Variants in DYNC1H1 observed in about 807,000 individuals in gnomAD.
DYNC1H1 encodes the protein cytoplasmic dynein 1 heavy chain 1.
Under a neutral mutation model 527.1 loss-of-function variants are expected in DYNC1H1, and 51 were observed. The ratio of observed to expected loss-of-function variants is 0.10; its 90% confidence interval spans 0.08 to 0.12. DYNC1H1 has a LOEUF of 0.12. DYNC1H1 is among the 10% of genes least tolerant of loss of function. The pLI, the probability that DYNC1H1 is intolerant of heterozygous loss-of-function variation, is 1.00. For synonymous variants in DYNC1H1, 2,189 were observed against 2,278.8 expected (o/e 0.96, Z 1.12); for missense variants, 2,771 against 5,971.8 (o/e 0.46, Z 17.66).
chr14:101,982,886 T>C (rs2047884985), intron 5 of DYNC1H1, 133 bp from the exon 6 acceptor site: 1 of 1,145,612 alleles, frequency 8.7e-7, no homozygotes, highest in South Asian at 1.4e-5. Context: ...CGTGTTGTTT[T>C]TTCAAATATG....
In DYNC1H1 at chr14:102,008,264, C is replaced by G. The variant is rs770335425; in HGVS notation, c.5904C>G (p.Leu1968=). The G allele has an allele frequency of 2.5e-6, 4 of 1,614,220 alleles. No individual in the cohort carries two copies. Among genetic ancestry groups the G allele is most frequent in the South Asian group, 1.1e-5 (1 of 91,082 alleles). The change falls in exon 29 of 78, where the codon CTC becomes CTG. Residue 1968 remains leucine (L), a synonymous_variant. Coordinates refer to ENST00000360184, the MANE Select transcript of DYNC1H1 (RefSeq NM_001376.5). The part of the protein sequence containing the change: ...DEFNRLEERM[L]SAVSQQVQCI... ...TCAACCGCCTGGAGGAGCGGATGCT[C>G]TCGGCTGTGTCCCAGCAGGTGCAGT...
intron 11 of DYNC1H1, among the ~76,000 whole-genome samples, chr14:101,992,711 A>G (rs2048011835): frequency 2.0e-5 from 3 of 152,230 alleles, no homozygotes; most frequent in Middle Eastern, 3.4e-3. Flanking sequence ...GTGATCGCCC[A>G]TAGCCCCACC....
rs762675393 is a variant in DYNC1H1 at position 102,027,907 on chromosome 14, G to T, written c.9264-30G>T. 1.2e-5 allele frequency: 19 copies of T among 1,614,092 alleles called. No homozygotes were observed. The South Asian group carries it at 2.0e-4, about 17-fold the overall frequency. On this transcript the variant is annotated intron_variant, in intron 47 of 77. Transcript: ENST00000360184. The surrounding 1 kb of genome is among the most constrained non-coding windows in gnomAD (Gnocchi z 7.7). ...CAAGGGACAAAGCCTGCCCCTCATA[G>T]CTGTCCTGAAACATGGGCCTCTTTC...
chr14:102,036,028 C>A lies in DYNC1H1; in HGVS notation c.10755-461C>A. 5.2e-6 allele frequency: 1 copy of A among 193,810 alleles called. No individual in the cohort carries two copies. The allele number at this position is 193,810 out of a possible 1,614,324, so 12.0% of individuals were successfully genotyped here. A position where few individuals can be genotyped will look rare whatever the true frequency, so the allele number is the denominator to read the frequency against. On this transcript the variant is annotated intron_variant, in intron 56 of 77. Coordinates refer to ENST00000360184, the MANE Select transcript of DYNC1H1 (RefSeq NM_001376.5). The surrounding 1 kb of genome is among the most constrained non-coding windows in gnomAD (Gnocchi z 5.6). The stretch of plus-strand genomic sequence containing the variant: ...TTGTAGAATGGTTCGATAACAGTGT[C>A]AGCCTCATAGGGCTGTTATGAGGAT...
intron 62 of DYNC1H1, 121 bp from the exon 63 acceptor site, chr14:102,040,115 G>A: frequency 7.2e-7 from 1 of 1,380,818 alleles, no homozygotes. Flanking sequence ...AGAGTGCTGA[G>A]ATTATAGGCC....
At position 102,011,665 on chromosome 14, in the gene DYNC1H1, T is replaced by C; in HGVS notation, c.6619-210T>C. 1 of 583,006 alleles carries C rather than the reference T, an allele frequency of 1.7e-6. No homozygotes were observed. Among genetic ancestry groups the C allele is most frequent in the Non-Finnish European group, 3.1e-6 (1 of 326,752 alleles). The allele number at this position is 583,006 out of a possible 1,614,324, so 36.1% of individuals were successfully genotyped here. ...TACTTGGGAGAGTGAGGAAGGAGAA[T>C]CACTTGAACCTGGGAGGTGGAGCTT... On this transcript the variant is annotated intron_variant, in intron 32 of 77. Coordinates refer to ENST00000360184, the MANE Select transcript of DYNC1H1 (RefSeq NM_001376.5). The surrounding 1 kb of genome is among the most constrained non-coding windows in gnomAD (Gnocchi z 5.3).
rs894433902 is a variant in DYNC1H1, at chr14:101,997,976, T to C, written c.3804+702T>C. Among the ~76,000 whole-genome samples, 1 of 152,118 alleles carries C rather than the reference T, an allele frequency of 6.6e-6. No individual in the cohort carries two copies. Among genetic ancestry groups the C allele is most frequent in the African/African-American group, 2.4e-5 (1 of 41,426 alleles). The stretch of plus-strand genomic sequence containing the variant: ...GCTACTGCTGTGCCTGGGAGGGTGG[T>C]GTGGAAGGGGGCTGGCAACTCATGC... On this transcript the variant is annotated intron_variant, in intron 16 of 77. Coordinates refer to ENST00000360184, the MANE Select transcript of DYNC1H1 (RefSeq NM_001376.5). The surrounding 1 kb of genome is among the most constrained non-coding windows in gnomAD (Gnocchi z 4.8).
Position 102,041,939 on chromosome 14 carries a change from G to A in DYNC1H1, c.12103-74G>A, listed in dbSNP as rs1019599907. On this transcript the variant is annotated intron_variant, in intron 65 of 77. Coordinates refer to ENST00000360184, the MANE Select transcript of DYNC1H1 (RefSeq NM_001376.5). The surrounding 1 kb of genome is among the most constrained non-coding windows in gnomAD (Gnocchi z 4.5). Reference sequence around the variant, plus strand: ...GAACATCTTCTCAGGCCCCTCACTCGGGGCTCTCCTTTCCCTTGACAGGTA... The same window carrying A: ...GAACATCTTCTCAGGCCCCTCACTCAGGGCTCTCCTTTCCCTTGACAGGTA... 3.9e-5 allele frequency: 60 copies of A among 1,557,604 alleles called. 1 individual carries two copies. The East Asian group carries it at 4.5e-4, about 12-fold the overall frequency.
Position 101,994,711 on chromosome 14 carries a change from T to A in DYNC1H1, c.3195T>A (p.Ala1065=). 1 of 1,614,218 alleles carries A rather than the reference T, an allele frequency of 6.2e-7. No homozygotes were observed. The highest frequency in any genetic ancestry group is 8.5e-7 in the Non-Finnish European group (1 of 1,180,038). ...ATCAGTGTTTATGGGATATGCAAGCTGAAAACATCTATAACAGACTTGGAG... is the reference window on the plus strand; with the variant it reads ...ATCAGTGTTTATGGGATATGCAAGCAGAAAACATCTATAACAGACTTGGAG... ...LQYQCLWDMQ[A]ENIYNRLGED... Residue 1065 remains alanine (A), a synonymous_variant, in exon 13 of 78, where the codon GCT becomes GCA. Coordinates refer to ENST00000360184, the MANE Select transcript of DYNC1H1 (RefSeq NM_001376.5).
rs2048614368 is a variant in DYNC1H1 at position 102,039,271 on chromosome 14, T to C, written c.11460+17T>C. The C allele has an allele frequency of 6.2e-7, 1 of 1,613,078 alleles. No individual in the cohort carries two copies. The highest frequency in any genetic ancestry group is 8.5e-7 in the Non-Finnish European group (1 of 1,180,018). Reference sequence around the variant, plus strand: ...CTCAAGCAGGTGGGTGCCTTGGCCATGCAGAGACTGGCGGGCCCCGCACAG... The same window carrying C: ...CTCAAGCAGGTGGGTGCCTTGGCCACGCAGAGACTGGCGGGCCCCGCACAG... On this transcript the variant is annotated intron_variant, in intron 60 of 77. Transcript: ENST00000360184. This position sits in a 1 kb window ranked among gnomAD's most constrained non-coding sequence, Gnocchi z 7.0.
At position 102,052,719 on chromosome 14, in the gene DYNC1H1, G is replaced by A. The variant is rs1016103722; in HGVS notation, c.*2156G>A. 2 of 152,278 alleles carry A rather than the reference G, an allele frequency of 1.3e-5. No individual in the cohort carries two copies. The highest frequency in any genetic ancestry group is 4.8e-5 in the African/African-American group (2 of 41,452). The allele number at this position is 152,278 out of a possible 1,614,324, so 9.4% of individuals were successfully genotyped here. A position where few individuals can be genotyped will look rare whatever the true frequency, so the allele number is the denominator to read the frequency against. On this transcript the variant is annotated 3_prime_UTR_variant, in exon 78 of 78. Transcript: ENST00000360184. ...AGGGGGCTCCATGGGAGTGAGGAAG[G>A]GCTCGGCGGCCCTGGGGGTCTGGTC...
Position 102,042,317 on chromosome 14 carries a change from G to T in DYNC1H1, c.12275+29G>T. 1 of 1,614,154 alleles carries T rather than the reference G, an allele frequency of 6.2e-7. No homozygotes were observed. The highest frequency in any genetic ancestry group is 8.5e-7 in the Non-Finnish European group (1 of 1,180,036). ...GGCCTGTTCTCTTTGGCTGAAGAAAGCCTTAGTCCCCAGGCATTCAGGCAG... is the reference window on the plus strand; with the variant it reads ...GGCCTGTTCTCTTTGGCTGAAGAAATCCTTAGTCCCCAGGCATTCAGGCAG... On this transcript the variant is annotated intron_variant, in intron 67 of 77. Coordinates refer to ENST00000360184, the MANE Select transcript of DYNC1H1 (RefSeq NM_001376.5). This position sits in a 1 kb window ranked among gnomAD's most constrained non-coding sequence, Gnocchi z 5.7.
Position 102,050,916 on chromosome 14 carries a change from G to A in DYNC1H1, c.*353G>A, listed in dbSNP as rs1458833050. 5 of 361,772 alleles carry A rather than the reference G, an allele frequency of 1.4e-5. No homozygotes were observed. Among genetic ancestry groups the A allele is most frequent in the Admixed American group, 3.9e-5 (1 of 25,724 alleles). The allele number at this position is 361,772 out of a possible 1,614,324, so 22.4% of individuals were successfully genotyped here. A position where few individuals can be genotyped will look rare whatever the true frequency, so the allele number is the denominator to read the frequency against. On this transcript the variant is annotated 3_prime_UTR_variant, in exon 78 of 78. Coordinates refer to ENST00000360184, the MANE Select transcript of DYNC1H1 (RefSeq NM_001376.5). ...CCCACCTCGCTTTCATCATGAGCTC[G>A]CTCCCGAGCGGCCACAGCACTCATG...
Position 102,029,605 on chromosome 14 carries a change from T to G in DYNC1H1, c.9535T>G (p.Phe3179Val). ...MAITPRHYLD[F>V]INHYANLFHE... ...CATCACCCCTCGCCACTACCTGGAC[T>G]TCATCAATCACTATGCCAACCTGTT... is the stretch of plus-strand genomic sequence containing the variant. Residue 3179 changes from phenylalanine (F) to valine (V), a missense_variant, in exon 49 of 78, where the codon TTC becomes GTC. By Grantham distance (50) the Phe-to-Val change is conservative (BLOSUM62 -1). This residue lies in a region of DYNC1H1 where 67 missense variants were observed against 128.2 expected (regional missense o/e 0.52). Transcript: ENST00000360184. This position sits in a 1 kb window ranked among gnomAD's most constrained non-coding sequence, Gnocchi z 5.3. 1 of 1,614,192 alleles carries G rather than the reference T, an allele frequency of 6.2e-7. No individual in the cohort carries two copies.
Position 102,039,820 on chromosome 14 carries a change from TTTA to T in DYNC1H1, c.11690+91_11690+93del. The T allele has an allele frequency of 2.9e-6, 4 of 1,400,898 alleles. No homozygotes were observed. Among genetic ancestry groups the T allele is most frequent in the Non-Finnish European group, 9.8e-7 (1 of 1,017,698 alleles). The allele number at this position is 1,400,898 out of a possible 1,614,324, so 86.8% of individuals were successfully genotyped here. On this transcript the variant is annotated intron_variant, in intron 62 of 77. Coordinates refer to ENST00000360184, the MANE Select transcript of DYNC1H1 (RefSeq NM_001376.5). The surrounding 1 kb of genome is among the most constrained non-coding windows in gnomAD (Gnocchi z 7.0). The stretch of plus-strand genomic sequence containing the variant: ...TCAGATACATGCTTTTATTATTTCT[TTTA>T]TTTTCTCTTTTATTTTCTTTATTTT...
intron 1 of DYNC1H1, among the ~76,000 whole-genome samples, chr14:101,970,020 T>C (rs2047713570): frequency 6.6e-6 from 1 of 152,204 alleles, no homozygotes; most frequent in Non-Finnish European, 1.5e-5. Context: ...AGTGCCTTGG[T>C]ATCTGTTATT....
Position 102,038,877 on chromosome 14 carries a change from G to A in DYNC1H1, c.11206+29G>A, listed in dbSNP as rs1055925965. On this transcript the variant is annotated intron_variant, in intron 59 of 77. Coordinates refer to ENST00000360184, the MANE Select transcript of DYNC1H1 (RefSeq NM_001376.5). The surrounding 1 kb of genome is among the most constrained non-coding windows in gnomAD (Gnocchi z 7.2). ...GGATCTGGACCTGTGGCTTTTAGAT[G>A]GTTGGTGCAGGGGAAGGGGCTGAAC... 15 of 1,614,008 alleles carry A rather than the reference G, an allele frequency of 9.3e-6. No homozygotes were observed. Among genetic ancestry groups the A allele is most frequent in the African/African-American group, 1.3e-5 (1 of 74,936 alleles).
intron 1 of DYNC1H1, among the ~76,000 whole-genome samples, chr14:101,970,478 T>TG (rs1484973540): frequency 8.5e-6 from 1 of 117,804 alleles, no homozygotes; most frequent in Non-Finnish European, 1.7e-5. Context: ...TTGTTGTTTT[T>TG]TTTTTTTTTT....
In DYNC1H1 at chr14:102,039,564, G is replaced by A. The variant is rs993526988; in HGVS notation, c.11595+18G>A. 2.7e-5 allele frequency: 43 copies of A among 1,614,126 alleles called. No individual in the cohort carries two copies. The highest frequency in any genetic ancestry group is 3.6e-5 in the Non-Finnish European group (42 of 1,180,050). On this transcript the variant is annotated intron_variant, in intron 61 of 77. Coordinates refer to ENST00000360184, the MANE Select transcript of DYNC1H1 (RefSeq NM_001376.5). The surrounding 1 kb of genome is among the most constrained non-coding windows in gnomAD (Gnocchi z 7.0). ...TCTTCCAGGTAGAGTGAGGTCCTCA[G>A]CCGCTCCCTGGCGGGGGGGAAGCAG... is the stretch of plus-strand genomic sequence containing the variant.
Sources: allele counts gnomAD v4.1 joint callset (sites outside exome capture counted in the v4.1 genomes callset), GRCh38; gene constraint gnomAD v4.1.1; regional missense constraint gnomAD v4.1.1; non-coding constraint Gnocchi (gnomAD v3.1); transcripts MANE v1.5; gene names NCBI Gene and HGNC (gene_info 2026-07-23, HGNC 2026-07-21).